The following DCLRE1C variants were observed in gnomAD, a reference collection of about 807,000 sequenced individuals.
The protein encoded by DCLRE1C is protein artemis.
DCLRE1C carries 47 observed loss-of-function variants against 61.4 expected under a neutral mutation model. That is an observed-to-expected ratio of 0.77 (90% CI 0.61 to 0.98). The LOEUF is 0.98. Ranked by LOEUF, DCLRE1C falls within the 50% of genes least tolerant of loss-of-function variation. The probability of loss-of-function intolerance (pLI) is 0.00; values close to 1 mark genes in which losing one functional copy is unlikely to be tolerated. For missense variants in DCLRE1C, 858 were observed against 816.0 expected, an observed-to-expected ratio of 1.05 and a Z score of -0.63; for synonymous variants, 337 against 287.6, an observed-to-expected ratio of 1.17 and a Z score of -1.74.
intron 13 of DCLRE1C, among the ~76,000 whole-genome samples, chr10:14,909,559 A>G (rs954599999): frequency 1.3e-5 from 2 of 151,738 alleles, no homozygotes; most frequent in African/African-American, 4.8e-5. Context: ...TCTGCTCTAT[A>G]TGTAAGCCTG....
At chr10:14,922,874 AAAAC>A (rs1174694787) in intron 12 of DCLRE1C, 103 bp downstream of exon 12, 15 of 864,938 alleles carry the variant, frequency 1.7e-5, no homozygotes, top group African/African-American at 1.2e-4. Context: ...GAAATGTCCC[AAAAC>A]AAACAGATTC....
chr10:14,927,801 A>C (rs775421610), intron 10 of DCLRE1C, among the ~76,000 whole-genome samples: 18 of 152,298 alleles, frequency 1.2e-4, no homozygotes, highest in Non-Finnish European at 1.6e-4. Context: ...CATCTCATCA[A>C]CCTACCCAGA....
In DCLRE1C at chr10:14,908,737, CTT is replaced by C. The variant is rs765144892; in HGVS notation, c.1748_1749del (p.Lys583ArgfsTer21). ...TCCATGAGAGAGGCAGGAATATTCT[CTT>C]TGATTGTTGGTCTGTAGTCAGCTTT... ...LDKADYRPTI[K>X]ENIPASLMEQ... On this transcript the variant is annotated frameshift_variant, in exon 14 of 14. Coordinates refer to ENST00000378278, the MANE Select transcript of DCLRE1C (RefSeq NM_001033855.3). LOFTEE classifies it low-confidence loss of function (END_TRUNC). 1 of 1,614,062 alleles carries C rather than the reference CTT, an allele frequency of 6.2e-7. No homozygotes were observed. The highest frequency in any genetic ancestry group is 8.5e-7 in the Non-Finnish European group (1 of 1,180,050).
intron 3 of DCLRE1C, among the ~76,000 whole-genome samples, chr10:14,944,195 G>C (rs1455131010): frequency 6.6e-6 from 1 of 152,154 alleles, no homozygotes; most frequent in African/African-American, 2.4e-5. Flanking sequence ...ATGTGGCCAG[G>C]CATGGTGGCT....
intron 13 of DCLRE1C, chr10:14,911,400 C>G (rs1295890653): frequency 6.6e-6 from 1 of 152,158 alleles, no homozygotes; most frequent in Admixed American, 6.5e-5. Flanking sequence ...CAGAACAAAG[C>G]TCAAGAATGT....
chr10:14,901,521 G>C (rs145270072), downstream of DCLRE1C, among the ~76,000 whole-genome samples: 2 of 151,704 alleles, frequency 1.3e-5, no homozygotes, highest in Non-Finnish European at 2.9e-5. Context: ...ATTTATTATA[G>C]CATCTTAATA....
chr10:14,940,762 G>A (rs551763169), intron 3 of DCLRE1C, among the ~76,000 whole-genome samples: 2 of 152,298 alleles, frequency 1.3e-5, no homozygotes, highest in Admixed American at 6.5e-5. Flanking sequence ...AGGTTTGGGT[G>A]TTAAAGTATT....
chr10:14,937,280 A>G lies in DCLRE1C; in HGVS notation c.307-687T>C, dbSNP rs138697731. Among the ~76,000 whole-genome samples, 362 of 132,686 alleles carry G rather than the reference A, an allele frequency of 2.7e-3. 1 individual carries two copies. The highest frequency in any genetic ancestry group is 9.6e-3 in the African/African-American group (335 of 34,952). 87.0% of individuals were successfully genotyped at this position (132,686 alleles called of 152,430 possible). Reference sequence around the variant, plus strand: ...GATTTCTATCTCAATAAAGCTATTTACTTTTTTTTTTTTTTTTTTTTTTGA... The same window carrying G: ...GATTTCTATCTCAATAAAGCTATTTGCTTTTTTTTTTTTTTTTTTTTTTGA... On this transcript the variant is annotated intron_variant, in intron 4 of 13. Coordinates refer to ENST00000378278, the MANE Select transcript of DCLRE1C (RefSeq NM_001033855.3).
rs150144038 is a variant in DCLRE1C, at chr10:14,942,649, G to A, written c.246+2456C>T. ...AGGGCAGTGCAGTCCCTGAGCTGGG[G>A]ACAGAAGTGTTTCCTGTGGCTTAAG... On this transcript the variant is annotated intron_variant, in intron 3 of 13. Coordinates refer to ENST00000378278, the MANE Select transcript of DCLRE1C (RefSeq NM_001033855.3). Among the ~76,000 whole-genome samples the A allele has an allele frequency of 7.9e-5, 12 of 152,312 alleles. No homozygotes were observed. In the East Asian group the frequency reaches 2.3e-3, roughly 29 times the overall value.
chr10:14,899,361 C>A (rs1342385457), intron 13 of DCLRE1C: 2 of 705,374 alleles, frequency 2.8e-6, no homozygotes, highest in Non-Finnish European at 2.5e-6. Flanking sequence ...CATTTTTCTT[C>A]CCCTCATTTT....
At position 14,905,414 on chromosome 10, in the gene DCLRE1C, A is replaced by G. The variant is rs898507624; in HGVS notation, c.*2994T>C. Among the ~76,000 whole-genome samples the G allele has an allele frequency of 3.9e-5, 6 of 152,252 alleles. No homozygotes were observed. The highest frequency in any genetic ancestry group is 7.3e-5 in the Non-Finnish European group (5 of 68,040). ...AAAGGAATTTTAGAATTCAGAGCTC[A>G]TATTCATTGACCCAGTCTTTTATGC... is the stretch of plus-strand genomic sequence containing the variant. On this transcript the variant is annotated 3_prime_UTR_variant, in exon 14 of 14. Coordinates refer to ENST00000378278, the MANE Select transcript of DCLRE1C (RefSeq NM_001033855.3).
intron 4 of DCLRE1C, among the ~76,000 whole-genome samples, chr10:14,937,170 T>C (rs1228485019): frequency 2.0e-5 from 3 of 152,042 alleles, no homozygotes. Context: ...TAGGGAGGGA[T>C]TGCGATCGCT....
chr10:14,953,342 T>C (rs1564494347), intron 1 of DCLRE1C, among the ~76,000 whole-genome samples: 1 of 152,132 alleles, frequency 6.6e-6, no homozygotes. Flanking sequence ...TGTGAAATCA[T>C]AGTAGCTTTT....
At chr10:14,929,988 C>T (rs1195435227) in intron 9 of DCLRE1C, among the ~76,000 whole-genome samples, 1 of 152,174 alleles carries the variant, frequency 6.6e-6, no homozygotes, top group East Asian at 1.9e-4. Context: ...AAAGGAATTA[C>T]TAACTAAGCT....
intron 6 of DCLRE1C, 152 bp downstream of exon 6, chr10:14,935,311 A>T: frequency 2.5e-6 from 2 of 813,092 alleles, no homozygotes; most frequent in South Asian, 3.3e-5. Flanking sequence ...CACTAAAAAT[A>T]CAAAATTAGC....
At chr10:14,952,046 T>G (rs1242596295) in intron 1 of DCLRE1C, among the ~76,000 whole-genome samples, 1 of 152,196 alleles carries the variant, frequency 6.6e-6, no homozygotes, top group Non-Finnish European at 1.5e-5. Context: ...CAGAAAAAGT[T>G]GTTATAGACT....
intron 4 of DCLRE1C, 41 bp downstream of exon 4, chr10:14,939,766 GCAC>G (rs761540868): frequency 5.7e-5 from 85 of 1,479,742 alleles, no homozygotes; most frequent in Middle Eastern, 5.3e-4. Flanking sequence ...AATCATTTTA[GCAC>G]CACATTTTTT....
chr10:14,917,364 A>G (rs2130708082), intron 13 of DCLRE1C, among the ~76,000 whole-genome samples: 1 of 152,280 alleles, frequency 6.6e-6, no homozygotes, highest in Admixed American at 6.5e-5. Context: ...GATACAAAAA[A>G]AAGTAAAAAT....
chr10:14,941,559 C>G (rs1404213726), intron 3 of DCLRE1C, among the ~76,000 whole-genome samples: 7 of 152,196 alleles, frequency 4.6e-5, no homozygotes, highest in Admixed American at 2.6e-4. Context: ...AGTGCTAGGA[C>G]TACACATGAG....
Sources: gnomAD v4.1 joint callset for allele counts (sites outside exome capture counted in the v4.1 genomes callset) on GRCh38, gnomAD v4.1.1 for gene constraint, MANE v1.5 for transcripts, NCBI Gene and HGNC (gene_info 2026-07-23, HGNC 2026-07-21) for gene names.